LAMA2: variants seen among roughly 807,000 people sequenced by gnomAD.
LAMA2 encodes laminin subunit alpha 2.
Under a neutral mutation model 364.8 loss-of-function variants are expected in LAMA2, and 269 were observed. That is an observed-to-expected ratio of 0.74 (90% CI 0.67 to 0.82). The LOEUF is 0.82. LAMA2 is among the 40% of genes least tolerant of loss of function. LAMA2 has a pLI of 0.00. For synonymous variants in LAMA2, 1,379 were observed against 1,370.6 expected, an observed-to-expected ratio of 1.01 and a Z score of -0.14; for missense variants, 3,807 against 3,873.2, an observed-to-expected ratio of 0.98 and a Z score of 0.45.
intron 1 of LAMA2, among the ~76,000 whole-genome samples, chr6:129,013,441 A>C (rs571091476): frequency 9.9e-4 from 151 of 152,254 alleles, no homozygotes; most frequent in African/African-American, 3.3e-3. Flanking sequence ...CATCTCAAAA[A>C]AAAAAAAATT....
chr6:129,312,180 G>C (rs1774270124), intron 22 of LAMA2, among the ~76,000 whole-genome samples: 5 of 150,802 alleles, frequency 3.3e-5, no homozygotes. Context: ...CCAAGCTTCA[G>C]AAAATTCTAG....
chr6:129,251,076 C>CTCTATA (rs1491468271), intron 13 of LAMA2, among the ~76,000 whole-genome samples: 58 of 49,806 alleles, frequency 1.2e-3, no homozygotes, highest in African/African-American at 1.5e-3. Flanking sequence ...CTCTCTCTCT[C>CTCTATA]TATATATATA....
intron 16 of LAMA2, among the ~76,000 whole-genome samples, 169 bp from the exon 17 acceptor site, chr6:129,270,455 T>C (rs1322540454): frequency 6.6e-6 from 1 of 152,150 alleles, no homozygotes; most frequent in Non-Finnish European, 1.5e-5. Flanking sequence ...ATAAGCTAGA[T>C]ATTAAATTAA....
In LAMA2 at chr6:129,116,155, A is replaced by T. The variant is rs887025133; in HGVS notation, c.639+17740A>T. On this transcript the variant is annotated intron_variant, in intron 4 of 64. Transcript: ENST00000421865. ...GAATCATTTCTTTCTGAGCTTCTGT[A>T]GCACAGGCTATGAAGTGTGCTAGTA... 2.0e-5 allele frequency among the ~76,000 whole-genome samples: 3 copies of T among 152,260 alleles called. No homozygotes were observed. In the East Asian group the frequency reaches 5.8e-4, roughly 29 times the overall value.
At chr6:129,287,538 C>T (rs1257738830) in intron 18 of LAMA2, among the ~76,000 whole-genome samples, 1 of 152,170 alleles carries the variant, frequency 6.6e-6, no homozygotes, top group Non-Finnish European at 1.5e-5. Context: ...GGCTTTCCAA[C>T]ATGGACCTGG....
chr6:129,380,562 CTAGG>C (rs1778624744), intron 34 of LAMA2, among the ~76,000 whole-genome samples: 1 of 152,066 alleles, frequency 6.6e-6, no homozygotes, highest in East Asian at 1.9e-4. Flanking sequence ...GTGTGGAAAC[CTAGG>C]TAGCACCCTG....
chr6:128,996,290 T>C (rs1316954608), intron 1 of LAMA2, among the ~76,000 whole-genome samples: 1 of 151,988 alleles, frequency 6.6e-6, no homozygotes, highest in Non-Finnish European at 1.5e-5. Context: ...TGAAAAGGCA[T>C]GATGGTGGGG....
At chr6:129,083,893 T>C (rs1196624231) in intron 3 of LAMA2, among the ~76,000 whole-genome samples, 1 of 152,194 alleles carries the variant, frequency 6.6e-6, no homozygotes, top group African/African-American at 2.4e-5. Flanking sequence ...TTTGTAATCC[T>C]CACAACTTTA....
At chr6:129,362,014 C>T (rs1201591213) in intron 32 of LAMA2, among the ~76,000 whole-genome samples, 1 of 151,842 alleles carries the variant, frequency 6.6e-6, no homozygotes, top group South Asian at 2.1e-4. Context: ...AAACTTCTCA[C>T]CTCAAGTGAT....
At chr6:129,070,573 T>C (rs1032146122) in intron 3 of LAMA2, among the ~76,000 whole-genome samples, 7 of 152,142 alleles carry the variant, frequency 4.6e-5, no homozygotes, top group Non-Finnish European at 1.0e-4. Flanking sequence ...TGTCATGATA[T>C]CCTCCAGATT....
chr6:129,432,985 T>A lies in LAMA2; in HGVS notation c.5968+5131T>A, dbSNP rs148981745. Among the ~76,000 whole-genome samples the A allele has an allele frequency of 1.1e-3, 172 of 152,220 alleles. 4 individuals are homozygous for A. In the East Asian group the frequency reaches 0.029, roughly 26 times the overall value. On this transcript the variant is annotated intron_variant, in intron 41 of 64. Coordinates refer to ENST00000421865, the MANE Select transcript of LAMA2 (RefSeq NM_000426.4). The stretch of plus-strand genomic sequence containing the variant: ...TTCTTACTTTCAGATCAGAAGAGGG[T>A]TTCTCCATAACCTGACTCCCTGTGA...
chr6:128,978,305 A>C (rs1226298498), intron 1 of LAMA2, among the ~76,000 whole-genome samples: 1 of 150,676 alleles, frequency 6.6e-6, no homozygotes, highest in Non-Finnish European at 1.5e-5. Context: ...TTTTCTGACC[A>C]CCTACTCTGT....
intron 3 of LAMA2, among the ~76,000 whole-genome samples, chr6:129,080,340 A>C (rs566510126): frequency 6.6e-6 from 1 of 152,336 alleles, no homozygotes; most frequent in African/African-American, 2.4e-5. Flanking sequence ...AACTAAAAGC[A>C]TCAGGGCTTC....
intron 10 of LAMA2, among the ~76,000 whole-genome samples, chr6:129,179,343 A>G (rs1780793841): frequency 6.6e-6 from 1 of 152,184 alleles, no homozygotes; most frequent in East Asian, 1.9e-4. Flanking sequence ...GAGTTTCTAG[A>G]ATATATAAAA....
intron 1 of LAMA2, among the ~76,000 whole-genome samples, chr6:128,889,457 A>G (rs1347322422): frequency 2.6e-5 from 4 of 152,076 alleles, no homozygotes; most frequent in Non-Finnish European, 5.9e-5. Flanking sequence ...AACGTTTTGG[A>G]CTATAGTAAT....
chr6:129,049,092 G>A (rs1375630194), intron 1 of LAMA2, among the ~76,000 whole-genome samples: 3 of 152,078 alleles, frequency 2.0e-5, no homozygotes, highest in Non-Finnish European at 4.4e-5. Context: ...TTTGATGAGT[G>A]ACTTTGCTAT....
At chr6:129,502,821 A>T in intron 59 of LAMA2, 50 bp downstream of exon 59, 1 of 1,224,908 alleles carries the variant, frequency 8.2e-7, no homozygotes, top group Non-Finnish European at 1.2e-6. Flanking sequence ...TGAAGAACTG[A>T]GTATTTGTGT....
At chr6:129,507,422 T>G in intron 61 of LAMA2, 67 bp from the exon 62 acceptor site, 1 of 1,519,358 alleles carries the variant, frequency 6.6e-7, no homozygotes, top group Non-Finnish European at 9.1e-7. Context: ...TGCAAATGAC[T>G]GTATTCTACA....
chr6:129,319,846 A>G (rs968975459), intron 27 of LAMA2, among the ~76,000 whole-genome samples: 1 of 152,236 alleles, frequency 6.6e-6, no homozygotes, highest in Non-Finnish European at 1.5e-5. Flanking sequence ...TAAGAAAGTA[A>G]TAAGGGCTGG....
Sources: allele counts gnomAD v4.1 joint callset (sites outside exome capture counted in the v4.1 genomes callset), GRCh38; gene constraint gnomAD v4.1.1; transcripts MANE v1.5; gene names NCBI Gene and HGNC (gene_info 2026-07-23, HGNC 2026-07-21).